The following NR2C2 variants were observed in gnomAD, a reference collection of about 807,000 sequenced individuals.
NR2C2 encodes Nuclear hormone receptor TR4.
A neutral mutation model predicts 62.9 loss-of-function variants in NR2C2; 6 were observed. The ratio of observed to expected loss-of-function variants is 0.10; its 90% CI spans 0.05 to 0.19. The LOEUF is 0.19. NR2C2 is among the 10% of genes least tolerant of loss of function. The pLI is 1.00. For missense variants in NR2C2, 479 were observed against 762.7 expected (o/e 0.63, Z 4.38); for synonymous variants, 272 against 273.8 (o/e 0.99, Z 0.07).
At chr3:14,970,669 T>C (rs1298345184) in intron 1 of NR2C2, among the ~76,000 whole-genome samples, 1 of 152,226 alleles carries the variant, frequency 6.6e-6, no homozygotes, top group African/African-American at 2.4e-5. Flanking sequence ...ATAGTATATG[T>C]CAGTTTCCTT....
In NR2C2 at chr3:15,047,044, G is replaced by A. The variant is rs1187556560; in HGVS notation, c.*4036G>A. 1 of 152,670 alleles carries A rather than the reference G, an allele frequency of 6.6e-6. No homozygotes were observed. The highest frequency in any genetic ancestry group is 1.5e-5 in the Non-Finnish European group (1 of 68,050). 9.5% of individuals were successfully genotyped at this position (152,670 alleles called of 1,614,324 possible). Reference sequence around the variant, plus strand: ...GCGTGTACAGGTTTCTAGGCTGTAAGACTGAATGAATGTACATGTGTTTAT... The same window carrying A: ...GCGTGTACAGGTTTCTAGGCTGTAAAACTGAATGAATGTACATGTGTTTAT... On this transcript the variant is annotated 3_prime_UTR_variant, in exon 14 of 14. Transcript: ENST00000425241.
chr3:14,959,088 T>C (rs1043116075), intron 1 of NR2C2: 1 of 152,254 alleles, frequency 6.6e-6, no homozygotes, highest in African/African-American at 2.4e-5. Context: ...TCCTAATTGA[T>C]AACCATTTTC....
intron 11 of NR2C2, among the ~76,000 whole-genome samples, chr3:15,037,583 A>G (rs1380563460): frequency 6.6e-6 from 1 of 152,194 alleles, no homozygotes; most frequent in African/African-American, 2.4e-5. Flanking sequence ...CAACTCAAAA[A>G]AAATTGTTTT....
intron 1 of NR2C2, among the ~76,000 whole-genome samples, chr3:14,980,396 C>G (rs2040332467): frequency 6.6e-6 from 1 of 152,108 alleles, no homozygotes; most frequent in Admixed American, 6.5e-5. Flanking sequence ...CTCCTGGCCT[C>G]AAGCCATTCT....
chr3:15,029,265 C>T (rs1440482965), intron 8 of NR2C2, among the ~76,000 whole-genome samples: 2 of 151,910 alleles, frequency 1.3e-5, no homozygotes, highest in Admixed American at 1.3e-4. Flanking sequence ...TATATTTTTT[C>T]TGAGTAATGA....
At chr3:15,021,711 G>A (rs879753745) in intron 5 of NR2C2, among the ~76,000 whole-genome samples, 6 of 152,226 alleles carry the variant, frequency 3.9e-5, no homozygotes, top group Non-Finnish European at 7.3e-5. Flanking sequence ...GGTGGCCGAG[G>A]ACCCAGGACT....
chr3:14,958,256 A>G (rs1193633535), intron 1 of NR2C2, among the ~76,000 whole-genome samples: 1 of 152,136 alleles, frequency 6.6e-6, no homozygotes, highest in African/African-American at 2.4e-5. Context: ...TTCATTGCCT[A>G]GTTCATAGCA....
intron 4 of NR2C2, among the ~76,000 whole-genome samples, chr3:15,019,987 T>C (rs1014995083): frequency 5.9e-5 from 9 of 152,232 alleles, no homozygotes; most frequent in African/African-American, 2.2e-4. Context: ...ACAACGTGGA[T>C]ATATTGAAAT....
chr3:15,047,215 T>C lies in NR2C2; in HGVS notation c.*4207T>C, dbSNP rs1188422366. On this transcript the variant is annotated 3_prime_UTR_variant, in exon 14 of 14. Transcript: ENST00000425241. ...ACTGATATGGGTGTTCCAAGGTCCCTCGGCAGGGAAGATTTGCTGGTGATT... is the reference window on the plus strand; with the variant it reads ...ACTGATATGGGTGTTCCAAGGTCCCCCGGCAGGGAAGATTTGCTGGTGATT... The C allele has an allele frequency of 6.6e-6, 1 of 152,590 alleles. No homozygotes were observed. The highest frequency in any genetic ancestry group is 1.9e-4 in the East Asian group (1 of 5,204). The allele number at this position is 152,590 out of a possible 1,614,324, so 9.5% of individuals were successfully genotyped here. A position where few individuals can be genotyped will look rare whatever the true frequency, so the allele number is the denominator to read the frequency against.
chr3:15,030,802 T>TG (rs2041961470), intron 9 of NR2C2, among the ~76,000 whole-genome samples: 1 of 152,182 alleles, frequency 6.6e-6, no homozygotes, highest in Non-Finnish European at 1.5e-5. Flanking sequence ...CACTCCAGCC[T>TG]GGGCAACGAG....
At chr3:15,000,869 C>T (rs1198516283) in intron 1 of NR2C2, among the ~76,000 whole-genome samples, 1 of 141,954 alleles carries the variant, frequency 7.0e-6, no homozygotes, top group Non-Finnish European at 1.5e-5. Flanking sequence ...GGCTGGAATG[C>T]AGTGGCACAA....
rs376087894 is a variant in NR2C2, at chr3:15,004,638, A to G, written c.72+652A>G. The G allele has an allele frequency of 1.2e-5, 20 of 1,610,180 alleles. No individual in the cohort carries two copies. The African/African-American group carries it at 2.5e-4, about 20-fold the overall frequency. ...GGTAGGTGTATCAAGCTTGAAGGCA[A>G]AAAGCTGGGAGGAAGGGATAATATA... On this transcript the variant is annotated intron_variant, in intron 2 of 13. Transcript: ENST00000425241.
chr3:14,991,418 T>C (rs1011476626), intron 1 of NR2C2, among the ~76,000 whole-genome samples: 1 of 152,256 alleles, frequency 6.6e-6, no homozygotes, highest in Non-Finnish European at 1.5e-5. Context: ...TACTATTTAA[T>C]GGTCCTTTGA....
At chr3:14,949,243 A>G (rs779152285) in intron 1 of NR2C2, among the ~76,000 whole-genome samples, 2 of 152,208 alleles carry the variant, frequency 1.3e-5, no homozygotes, top group East Asian at 3.8e-4. Context: ...AAAGAAGCCA[A>G]ATGACCTGCT....
At chr3:14,951,546 C>T (rs2039356960) in intron 1 of NR2C2, among the ~76,000 whole-genome samples, 1 of 151,382 alleles carries the variant, frequency 6.6e-6, no homozygotes, top group Non-Finnish European at 1.5e-5. Flanking sequence ...TTGTTCAATT[C>T]CTTAAGCTAA....
rs2042526624 is a variant in NR2C2 at position 15,048,282 on chromosome 3, G to A, written c.*5274G>A. 1 of 152,604 alleles carries A rather than the reference G, an allele frequency of 6.6e-6. No individual in the cohort carries two copies. Among genetic ancestry groups the A allele is most frequent in the Non-Finnish European group, 1.5e-5 (1 of 68,034 alleles). The allele number at this position is 152,604 out of a possible 1,614,324, so 9.5% of individuals were successfully genotyped here. A position where few individuals can be genotyped will look rare whatever the true frequency, so the allele number is the denominator to read the frequency against. On this transcript the variant is annotated 3_prime_UTR_variant, in exon 14 of 14. Coordinates refer to ENST00000425241, the MANE Select transcript of NR2C2 (RefSeq NM_001291694.2). ...GTGCGACCTTTCCCCGTCATAGCCT[G>A]TCGTGACAATCACGCTATTGAAAGT...
At chr3:15,024,296 C>A in intron 7 of NR2C2, 88 bp downstream of exon 7, 1 of 800,242 alleles carries the variant, frequency 1.2e-6, no homozygotes, top group Non-Finnish European at 2.0e-6. Flanking sequence ...TTCTTCCTGG[C>A]CTTCAGAGAC....
At chr3:15,039,996 TAA>T in intron 13 of NR2C2, among the ~76,000 whole-genome samples, 2 of 150,564 alleles carry the variant, frequency 1.3e-5, no homozygotes, top group East Asian at 3.9e-4. Flanking sequence ...TAAAAATATT[TAA>T]AAAAAAATTA....
intron 4 of NR2C2, among the ~76,000 whole-genome samples, chr3:15,019,263 C>T (rs575814333): frequency 3.3e-5 from 5 of 151,592 alleles, no homozygotes; most frequent in East Asian, 1.9e-4. Flanking sequence ...ATTAAAAAGA[C>T]GAAAAGAAGT....
Sources: gnomAD v4.1 joint callset for allele counts (sites outside exome capture counted in the v4.1 genomes callset) on GRCh38, gnomAD v4.1.1 for gene constraint, MANE v1.5 for transcripts, NCBI Gene and HGNC (gene_info 2026-07-23, HGNC 2026-07-21) for gene names.